Variants in EXOC2 observed in about 807,000 individuals in gnomAD.
EXOC2 encodes SEC5-like 1.
A neutral mutation model predicts 131.8 loss-of-function variants in EXOC2; 70 were observed. The ratio of observed to expected loss-of-function variants is 0.53; its 90% confidence interval spans 0.44 to 0.65. EXOC2 has a LOEUF of 0.65. Ranked by LOEUF, EXOC2 falls within the 30% of genes least tolerant of loss-of-function variation. The pLI, the probability that EXOC2 is intolerant of heterozygous loss-of-function variation, is 0.00. For synonymous variants in EXOC2, 411 were observed against 398.4 expected, an observed-to-expected ratio of 1.03 and a Z score of -0.38; for missense variants, 923 against 1,108.6, an observed-to-expected ratio of 0.83 and a Z score of 2.38.
chr6:664,646 C>A (rs1200416720), intron 1 of EXOC2, among the ~76,000 whole-genome samples: 2 of 152,124 alleles, frequency 1.3e-5, no homozygotes, highest in East Asian at 3.8e-4. Flanking sequence ...ATACTTACAG[C>A]CAACTGATCC....
At chr6:573,197 A>C (rs1758383080) in intron 12 of EXOC2, among the ~76,000 whole-genome samples, 1 of 152,198 alleles carries the variant, frequency 6.6e-6, no homozygotes, top group Admixed American at 6.5e-5. Flanking sequence ...TTTAAGAAAA[A>C]CTAGAAACGT....
chr6:652,145 GAAGT>G (rs1344908266), intron 1 of EXOC2, among the ~76,000 whole-genome samples: 6 of 151,702 alleles, frequency 4.0e-5, no homozygotes, highest in African/African-American at 1.5e-4. Context: ...CAGAAGATAT[GAAGT>G]AAATAGTTTC....
Position 684,078 on chromosome 6 carries a change from AGACCACACACTCG to A in EXOC2, c.-44+8928_-44+8940del, listed in dbSNP as rs564323458. The stretch of plus-strand genomic sequence containing the variant: ...GTTAGCAGCCTCTCGGCTGAGCGGG[AGACCACACACTCG>A]GACCACACAGCGCCAGCTGAACTCC... On this transcript the variant is annotated intron_variant, in intron 1 of 27. Coordinates refer to ENST00000230449, the MANE Select transcript of EXOC2 (RefSeq NM_018303.6). 3.2e-3 allele frequency among the ~76,000 whole-genome samples: 486 copies of A among 152,292 alleles called. 5 individuals carry two copies. Among genetic ancestry groups the A allele is most frequent in the Non-Finnish European group, 1.5e-3 (99 of 68,002 alleles).
chr6:490,252 T>C (rs111536854), intron 26 of EXOC2, among the ~76,000 whole-genome samples: 2,996 of 152,278 alleles, frequency 0.02, 105 homozygotes, highest in African/African-American at 0.066. Flanking sequence ...ATGAGTACCT[T>C]ATACTCTAAA....
At chr6:562,890 C>A (rs1473647843) in intron 16 of EXOC2, 45 bp from the exon 17 acceptor site, 32 of 1,392,758 alleles carry the variant, frequency 2.3e-5, no homozygotes, top group Non-Finnish European at 3.0e-5. Flanking sequence ...AATTATCTCA[C>A]TAAATTTTAT....
chr6:639,845 C>A (rs559010298), intron 1 of EXOC2, among the ~76,000 whole-genome samples: 6 of 152,108 alleles, frequency 3.9e-5, no homozygotes, highest in African/African-American at 1.4e-4. Flanking sequence ...AGGGCAGACA[C>A]ATTTCTTTAA....
At chr6:489,437 G>A (rs1003317576) in intron 26 of EXOC2, among the ~76,000 whole-genome samples, 3 of 152,176 alleles carry the variant, frequency 2.0e-5, no homozygotes, top group Non-Finnish European at 4.4e-5. Flanking sequence ...TGACACAGTG[G>A]GGTGTTTACA....
chr6:619,407 T>C (rs760281654), intron 5 of EXOC2, 23 bp downstream of exon 5: 14 of 1,573,710 alleles, frequency 8.9e-6, no homozygotes, highest in Admixed American at 1.7e-5. Flanking sequence ...CCCTTCACAG[T>C]TGACAGTCCC....
In EXOC2 at chr6:486,251, T is replaced by C. The variant is rs373270059; in HGVS notation, c.*420A>G. On this transcript the variant is annotated 3_prime_UTR_variant, in exon 28 of 28. Transcript: ENST00000230449. ...AGTAAGAGCTCCAAAGATGTCTACA[T>C]AGCTTTCCAAATCTCGTATCAGTCA... The C allele has an allele frequency of 6.3e-4, 102 of 161,646 alleles. No homozygotes were observed. Among genetic ancestry groups the C allele is most frequent in the African/African-American group, 1.7e-3 (70 of 41,742 alleles). 10.0% of individuals were successfully genotyped at this position (161,646 alleles called of 1,614,324 possible).
At chr6:681,249 A>G (rs1265228825) in intron 1 of EXOC2, among the ~76,000 whole-genome samples, 1 of 152,272 alleles carries the variant, frequency 6.6e-6, no homozygotes, top group Admixed American at 6.5e-5. Flanking sequence ...GAAAACAATC[A>G]GATAAATCCA....
chr6:612,636 G>A (rs1235148771), intron 6 of EXOC2, among the ~76,000 whole-genome samples: 1 of 152,126 alleles, frequency 6.6e-6, no homozygotes, highest in African/African-American at 2.4e-5. Context: ...CCCAGAAAAT[G>A]ATACCTACCT....
At chr6:580,011 T>G (rs72835945) in intron 11 of EXOC2, among the ~76,000 whole-genome samples, 46,723 of 151,446 alleles carry the variant, frequency 0.31, 7,424 homozygotes, top group African/African-American at 0.38. Flanking sequence ...CTATACACAT[T>G]ACATAAAGCA....
intron 1 of EXOC2, chr6:679,224 C>T (rs1314072100): frequency 1.3e-5 from 2 of 151,934 alleles, no homozygotes; most frequent in Admixed American, 1.3e-4. Flanking sequence ...TGTCAAAATA[C>T]AAATAACTTT....
intron 23 of EXOC2, among the ~76,000 whole-genome samples, chr6:521,555 G>T (rs1327909859): frequency 1.3e-5 from 2 of 151,588 alleles, no homozygotes; most frequent in Non-Finnish European, 2.9e-5. Context: ...CCTGAGACAG[G>T]GTCTGTCTGT....
intron 23 of EXOC2, among the ~76,000 whole-genome samples, chr6:507,817 T>A (rs1343908363): frequency 6.6e-6 from 1 of 152,238 alleles, no homozygotes; most frequent in African/African-American, 2.4e-5. Context: ...CTTCTTCTTC[T>A]TAATAATTTG....
intron 23 of EXOC2, among the ~76,000 whole-genome samples, chr6:515,334 GA>G (rs1205349715): frequency 6.6e-6 from 1 of 152,176 alleles, no homozygotes; most frequent in East Asian, 1.9e-4. Context: ...GAAAATACAT[GA>G]AAAAAAGTTC....
chr6:620,024 C>T (rs1761204954), intron 4 of EXOC2, among the ~76,000 whole-genome samples: 1 of 152,164 alleles, frequency 6.6e-6, no homozygotes, highest in Non-Finnish European at 1.5e-5. Flanking sequence ...ACTAATAAAA[C>T]CACATCTAAT....
At chr6:618,427 G>A (rs1304811937) in intron 5 of EXOC2, among the ~76,000 whole-genome samples, 1 of 152,182 alleles carries the variant, frequency 6.6e-6, no homozygotes, top group African/African-American at 2.4e-5. Context: ...CTGTATTTCA[G>A]AAGTTTTATG....
Position 486,658 on chromosome 6 carries a change from A to T in EXOC2, c.*13T>A. On this transcript the variant is annotated 3_prime_UTR_variant, in exon 28 of 28. Coordinates refer to ENST00000230449, the MANE Select transcript of EXOC2 (RefSeq NM_018303.6). Reference sequence around the variant, plus strand: ...CGTGTTATTTTCCTGGACTTCTTTTATGTGGCAGATATTTATGTTTTCATC... The same window carrying T: ...CGTGTTATTTTCCTGGACTTCTTTTTTGTGGCAGATATTTATGTTTTCATC... 3.7e-6 allele frequency: 6 copies of T among 1,611,040 alleles called. No homozygotes were observed. Among genetic ancestry groups the T allele is most frequent in the Non-Finnish European group, 4.2e-6 (5 of 1,177,154 alleles).
Sources: allele counts gnomAD v4.1 joint callset (sites outside exome capture counted in the v4.1 genomes callset), GRCh38; gene constraint gnomAD v4.1.1; transcripts MANE v1.5; gene names NCBI Gene and HGNC (gene_info 2026-07-23, HGNC 2026-07-21).